The following EVI5 variants were observed in gnomAD, a reference collection of about 807,000 sequenced individuals.
EVI5 encodes ecotropic viral integration site 5 protein homolog.
Under a neutral mutation model 112.0 loss-of-function variants are expected in EVI5, and 73 were observed. The observed-to-expected ratio is 0.65, with a 90% CI of 0.54 to 0.79. EVI5 has a LOEUF of 0.79. EVI5 is among the 30% of genes least tolerant of loss of function. The pLI is 0.00. For synonymous variants in EVI5, 305 were observed against 319.9 expected (o/e 0.95, Z 0.50); for missense variants, 900 against 968.8 (o/e 0.93, Z 0.94).
At chr1:92,578,580 T>C (rs2101059709) in intron 18 of EVI5, among the ~76,000 whole-genome samples, 1 of 151,814 alleles carries the variant, frequency 6.6e-6, no homozygotes, top group East Asian at 1.9e-4. Context: ...TAGCTGGGCG[T>C]GGTGGCGGGT....
At chr1:92,633,113 G>A (rs1239262818) in intron 14 of EVI5, among the ~76,000 whole-genome samples, 5 of 152,260 alleles carry the variant, frequency 3.3e-5, no homozygotes, top group African/African-American at 1.2e-4. Context: ...CAATTTTGGA[G>A]TAGGTGTTGT....
chr1:92,697,094 C>A (rs774813793), intron 6 of EVI5, among the ~76,000 whole-genome samples: 1 of 151,770 alleles, frequency 6.6e-6, no homozygotes, highest in South Asian at 2.1e-4. Context: ...TTTACATATC[C>A]CCTTGCTCCC....
intron 19 of EVI5, among the ~76,000 whole-genome samples, chr1:92,555,932 A>G (rs1484429290): frequency 6.6e-6 from 1 of 152,122 alleles, no homozygotes; most frequent in Admixed American, 6.5e-5. Flanking sequence ...AAGAAAAAAA[A>G]TAGCTGCCAA....
Position 92,746,099 on chromosome 1 carries a change from T to G in EVI5, c.-81-9472A>C, listed in dbSNP as rs576993267. On this transcript the variant is annotated intron_variant, in intron 1 of 19. Coordinates refer to ENST00000684568, the MANE Select transcript of EVI5 (RefSeq NM_001350197.2). The stretch of plus-strand genomic sequence containing the variant: ...CTTTAGGCAGCCAACATTGAACCCA[T>G]GTTCTAATAAAGCAAATGCCAAGCT... Among the ~76,000 whole-genome samples, 7 of 152,338 alleles carry G rather than the reference T, an allele frequency of 4.6e-5. No homozygotes were observed. The South Asian group carries it at 1.4e-3, about 32-fold the overall frequency.
chr1:92,724,988 C>T (rs998033811), intron 2 of EVI5, among the ~76,000 whole-genome samples: 8 of 151,994 alleles, frequency 5.3e-5, no homozygotes, highest in Admixed American at 1.3e-4. Flanking sequence ...TTGTGTGCTC[C>T]CTGAACTGAG....
At chr1:92,707,307 C>T (rs939543586) in intron 2 of EVI5, among the ~76,000 whole-genome samples, 3 of 151,370 alleles carry the variant, frequency 2.0e-5, no homozygotes, top group Non-Finnish European at 4.4e-5. Flanking sequence ...CTGGACTTCA[C>T]CGAAATTAAA....
chr1:92,513,324 T>C lies in EVI5; in HGVS notation c.*332A>G, dbSNP rs201848066. The C allele has an allele frequency of 6.6e-6, 1 of 152,496 alleles. No homozygotes were observed. The highest frequency in any genetic ancestry group is 1.9e-4 in the East Asian group (1 of 5,266). The allele number at this position is 152,496 out of a possible 1,614,324, so 9.4% of individuals were successfully genotyped here. ...TGTCTGAAGAAAATTCAATTTTCCATAGTTTTGAACTTCAGAATGGTTCCC... is the reference window on the plus strand; with the variant it reads ...TGTCTGAAGAAAATTCAATTTTCCACAGTTTTGAACTTCAGAATGGTTCCC... On this transcript the variant is annotated 3_prime_UTR_variant, in exon 20 of 20. Transcript: ENST00000684568.
At chr1:92,704,803 T>A in intron 2 of EVI5, 59 bp from the exon 3 acceptor site, 2 of 700,310 alleles carry the variant, frequency 2.9e-6, no homozygotes, top group Non-Finnish European at 4.5e-6. Context: ...AGAAGAGGCA[T>A]TGATGATACT....
chr1:92,567,347 A>C (rs1158517024), intron 18 of EVI5, among the ~76,000 whole-genome samples: 1 of 152,248 alleles, frequency 6.6e-6, no homozygotes, highest in Non-Finnish European at 1.5e-5. Context: ...GATTAACTGT[A>C]CTGTGTTTAT....
chr1:92,772,665 G>A (rs987570687), intron 1 of EVI5, among the ~76,000 whole-genome samples: 3 of 152,100 alleles, frequency 2.0e-5, no homozygotes, highest in African/African-American at 7.2e-5. Context: ...CACTTTGGGA[G>A]GGCGAGGCAG....
At chr1:92,515,129 T>C (rs183559367) in intron 19 of EVI5, among the ~76,000 whole-genome samples, 9 of 152,314 alleles carry the variant, frequency 5.9e-5, no homozygotes, top group African/African-American at 1.9e-4. Flanking sequence ...TTTCTTCCCA[T>C]CTTTTAGAAT....
At chr1:92,641,898 A>G (rs996940148) in intron 13 of EVI5, among the ~76,000 whole-genome samples, 5 of 152,136 alleles carry the variant, frequency 3.3e-5, no homozygotes, top group Admixed American at 6.6e-5. Flanking sequence ...CCAGCACTTT[A>G]GGAGGCTGAG....
At chr1:92,657,204 G>A (rs1359918623) in intron 13 of EVI5, among the ~76,000 whole-genome samples, 2 of 152,074 alleles carry the variant, frequency 1.3e-5, no homozygotes, top group African/African-American at 2.4e-5. Context: ...CATACTGCAG[G>A]GATGCAAGGA....
chr1:92,641,208 T>C (rs1159680310), intron 13 of EVI5, among the ~76,000 whole-genome samples: 2 of 151,690 alleles, frequency 1.3e-5, no homozygotes, highest in Non-Finnish European at 2.9e-5. Context: ...AAAAAAAAAA[T>C]TGTGTGATTA....
In EVI5 at chr1:92,720,471, A is replaced by G. The variant is rs376852374; in HGVS notation, c.150-15727T>C. 9.8e-4 allele frequency among the ~76,000 whole-genome samples: 149 copies of G among 152,324 alleles called. 2 individuals are homozygous for G. Among genetic ancestry groups the G allele is most frequent in the African/African-American group, 3.5e-3 (144 of 41,538 alleles). ...ATGATGCTGGGAAAACTGGCTAGCC[A>G]TATGTAGAAAGCTGAAACTGGATCC... On this transcript the variant is annotated intron_variant, in intron 2 of 19. Transcript: ENST00000684568.
At chr1:92,695,280 C>T (rs1464338457) in intron 7 of EVI5, 30 bp downstream of exon 7, 2 of 1,584,180 alleles carry the variant, frequency 1.3e-6, no homozygotes, top group South Asian at 2.4e-5. Context: ...CTTTGCTCAG[C>T]TCCTGCTCTT....
At chr1:92,617,501 T>C (rs1222354539) in intron 16 of EVI5, among the ~76,000 whole-genome samples, 1 of 152,162 alleles carries the variant, frequency 6.6e-6, no homozygotes, top group African/African-American at 2.4e-5. Context: ...AGATGACCTG[T>C]TCTGAGGACA....
intron 18 of EVI5, among the ~76,000 whole-genome samples, chr1:92,592,288 A>G (rs1427807681): frequency 1.3e-5 from 2 of 152,218 alleles, no homozygotes; most frequent in Non-Finnish European, 2.9e-5. Context: ...GCTCAACTAC[A>G]TGGAAACTGA....
At chr1:92,730,923 C>T (rs1676364212) in intron 2 of EVI5, among the ~76,000 whole-genome samples, 1 of 152,052 alleles carries the variant, frequency 6.6e-6, no homozygotes, top group African/African-American at 2.4e-5. Context: ...AGATGATAGG[C>T]TCATCTACAT....
Sources: gnomAD v4.1 joint callset for allele counts (sites outside exome capture counted in the v4.1 genomes callset) on GRCh38, gnomAD v4.1.1 for gene constraint, MANE v1.5 for transcripts, NCBI Gene and HGNC (gene_info 2026-07-23, HGNC 2026-07-21) for gene names.